The following HSPA12A variants were observed in gnomAD, a reference collection of about 807,000 sequenced individuals.
HSPA12A encodes heat shock protein family A (Hsp70) member 12A, also known as heat shock 70 kDa protein 12A.
Under a neutral mutation model 69.2 loss-of-function variants are expected in HSPA12A, and 28 were observed. The ratio of observed to expected loss-of-function variants is 0.40; its 90% CI spans 0.30 to 0.55. The LOEUF (loss-of-function observed/expected upper bound fraction) is 0.55, where lower values mean the gene tolerates loss of function less well. HSPA12A is among the 20% of genes least tolerant of loss of function. The probability of loss-of-function intolerance (pLI) is 0.38; values close to 1 mark genes in which losing one functional copy is unlikely to be tolerated. For synonymous variants in HSPA12A, 345 were observed against 370.5 expected, an observed-to-expected ratio of 0.93 and a Z score of 0.79; for missense variants, 686 against 900.7, an observed-to-expected ratio of 0.76 and a Z score of 3.05.
intron 2 of HSPA12A, among the ~76,000 whole-genome samples, chr10:116,705,558 C>T (rs555332182): frequency 4.5e-4 from 68 of 152,356 alleles, no homozygotes; most frequent in Non-Finnish European, 5.1e-4. Flanking sequence ...TGCCCGCACA[C>T]GGCTAGTTAC....
rs1849174147 is a variant in HSPA12A, at chr10:116,674,753, C to T, written c.*28G>A. 15 of 1,583,274 alleles carry T rather than the reference C, an allele frequency of 9.5e-6. No homozygotes were observed. The highest frequency in any genetic ancestry group is 1.3e-5 in the Non-Finnish European group (15 of 1,165,884). On this transcript the variant is annotated 3_prime_UTR_variant, in exon 12 of 12. Transcript: ENST00000369209. ...TCAGCAGATGCAGATAAGTTGAGTC[C>T]AAGGGGACAGGCAGCGGGGCGGGAG...
intron 1 of HSPA12A, among the ~76,000 whole-genome samples, chr10:116,717,207 A>G (rs1235285935): frequency 1.3e-5 from 2 of 152,216 alleles, no homozygotes; most frequent in Admixed American, 6.5e-5. Flanking sequence ...ATCCTTAGTC[A>G]GGATGCCACC....
exon 1 of HSPA12A, chr10:116,849,692 C>T: frequency 6.5e-7 from 1 of 1,545,558 alleles, no homozygotes; most frequent in Non-Finnish European, 8.7e-7. Flanking sequence ...TGCTCAACTC[C>T]ACCTTCTACC....
At chr10:116,787,763 G>C (rs1844608913) in intron 2 of HSPA12A, among the ~76,000 whole-genome samples, 1 of 152,210 alleles carries the variant, frequency 6.6e-6, no homozygotes. Context: ...AAGGTGAAAA[G>C]AAGAGGAAAG....
At chr10:116,767,945 A>C (rs1211585017) in intron 2 of HSPA12A, among the ~76,000 whole-genome samples, 1 of 152,216 alleles carries the variant, frequency 6.6e-6, no homozygotes, top group African/African-American at 2.4e-5. Context: ...AAAGTTTGGC[A>C]GTTCCTCAAA....
chr10:116,709,062 C>T (rs540031914), intron 1 of HSPA12A, among the ~76,000 whole-genome samples: 1 of 140,404 alleles, frequency 7.1e-6, no homozygotes, highest in African/African-American at 2.7e-5. Context: ...AAACTGAAAA[C>T]AGGGACTCAA....
chr10:116,750,062 A>C (rs1554888169), intron 2 of HSPA12A: 1 of 335,036 alleles, frequency 3.0e-6, no homozygotes, highest in African/African-American at 2.1e-5. Context: ...GATCGCTCAC[A>C]TAACTAACAC....
At chr10:116,760,914 C>A (rs765423750) in intron 2 of HSPA12A, among the ~76,000 whole-genome samples, 1 of 151,604 alleles carries the variant, frequency 6.6e-6, no homozygotes, top group Non-Finnish European at 1.5e-5. Flanking sequence ...AGGATAACAA[C>A]GGAGATAAAG....
intron 1 of HSPA12A, among the ~76,000 whole-genome samples, chr10:116,709,221 C>G (rs1554882814): frequency 6.6e-6 from 1 of 152,148 alleles, no homozygotes; most frequent in East Asian, 1.9e-4. Flanking sequence ...CCAAGGTGGG[C>G]AGATCACTTG....
intron 1 of HSPA12A, among the ~76,000 whole-genome samples, chr10:116,717,457 T>G (rs1850642794): frequency 6.6e-6 from 1 of 152,110 alleles, no homozygotes; most frequent in Non-Finnish European, 1.5e-5. Flanking sequence ...TCGAAAACCA[T>G]AATTCTCTCT....
intron 10 of HSPA12A, among the ~76,000 whole-genome samples, chr10:116,678,650 A>G (rs954925561): frequency 2.6e-5 from 4 of 151,360 alleles, no homozygotes; most frequent in Middle Eastern, 3.5e-3. Flanking sequence ...GATAATATTG[A>G]GGAATTATTA....
chr10:116,683,613 G>T, intron 7 of HSPA12A, 178 bp downstream of exon 7: 1 of 466,438 alleles, frequency 2.1e-6, no homozygotes, highest in Non-Finnish European at 3.6e-6. Flanking sequence ...ATTTATGGGG[G>T]TCCTTGGAGG....
In HSPA12A at chr10:116,716,458, T is replaced by TG. The variant is rs1282783033; in HGVS notation, c.41-9174dup. 2.1e-3 allele frequency among the ~76,000 whole-genome samples: 146 copies of TG among 68,246 alleles called. 1 individual carries two copies. The highest frequency in any genetic ancestry group is 8.5e-3 in the African/African-American group (119 of 14,034). 44.8% of individuals were successfully genotyped at this position (68,246 alleles called of 152,430 possible). On this transcript the variant is annotated intron_variant, in intron 1 of 11. Transcript: ENST00000369209. ...GGCAGGTGTGTGTTGGGGGGTGGGGTGGGGGGTGTGTATGTGTGTGTGTGC... is the reference window on the plus strand; with the variant it reads ...GGCAGGTGTGTGTTGGGGGGTGGGGTGGGGGGGTGTGTATGTGTGTGTGTGC...
intron 1 of HSPA12A, among the ~76,000 whole-genome samples, chr10:116,839,398 C>A (rs1845767607): frequency 6.6e-6 from 1 of 152,118 alleles, no homozygotes; most frequent in Admixed American, 6.6e-5. Context: ...GCTGCAAAGT[C>A]TCCTCAAAAG....
At chr10:116,771,328 AG>A (rs1844202934) in intron 2 of HSPA12A, among the ~76,000 whole-genome samples, 1 of 151,946 alleles carries the variant, frequency 6.6e-6, no homozygotes, top group African/African-American at 2.4e-5. Context: ...GGCCACACAG[AG>A]GGGAGGGGAG....
At chr10:116,749,702 G>A (rs1450554933) in intron 2 of HSPA12A, among the ~76,000 whole-genome samples, 11 of 152,150 alleles carry the variant, frequency 7.2e-5, no homozygotes, top group Non-Finnish European at 1.2e-4. Flanking sequence ...CTCATGTAGC[G>A]GCACTGAGGG....
At chr10:116,840,576 T>C (rs1250650818) in intron 1 of HSPA12A, among the ~76,000 whole-genome samples, 2 of 152,188 alleles carry the variant, frequency 1.3e-5, no homozygotes, top group African/African-American at 4.8e-5. Flanking sequence ...GTCAGGTCCA[T>C]GGTTAATAGG....
At chr10:116,774,684 A>G (rs1205312544) in intron 2 of HSPA12A, among the ~76,000 whole-genome samples, 8 of 152,120 alleles carry the variant, frequency 5.3e-5, no homozygotes, top group African/African-American at 1.9e-4. Flanking sequence ...GGACATTGAG[A>G]GGGAGGCCTT....
At chr10:116,732,886 G>A (rs1433611667) in intron 1 of HSPA12A, among the ~76,000 whole-genome samples, 2 of 152,074 alleles carry the variant, frequency 1.3e-5, no homozygotes, top group Non-Finnish European at 2.9e-5. Context: ...GGCAGACCTC[G>A]ATTCTGAGCC....
Sources: gnomAD v4.1 joint callset for allele counts (sites outside exome capture counted in the v4.1 genomes callset) on GRCh38, gnomAD v4.1.1 for gene constraint, MANE v1.5 for transcripts, NCBI Gene and HGNC (gene_info 2026-07-23, HGNC 2026-07-21) for gene names.